Variants in BPI observed in about 807,000 individuals in gnomAD.
BPI encodes bactericidal permeability increasing protein.
In BPI, 48 loss-of-function variants were observed where a neutral mutation model predicts 57.6. That is an observed-to-expected ratio of 0.83 (90% confidence interval 0.66 to 1.06). The LOEUF (loss-of-function observed/expected upper bound fraction) is 1.06, where lower values mean the gene tolerates loss of function less well. Ranked by LOEUF, BPI falls within the 50% of genes least tolerant of loss-of-function variation. BPI has a pLI of 0.00. For synonymous variants in BPI, 237 were observed against 238.2 expected, an observed-to-expected ratio of 0.99 and a Z score of 0.05; for missense variants, 651 against 609.7, an observed-to-expected ratio of 1.07 and a Z score of -0.71.
chr20:38,327,624 A>G lies in BPI; in HGVS notation c.1198A>G (p.Asn400Asp), dbSNP rs5741809. The G allele has an allele frequency of 0.038, 60,614 of 1,613,602 alleles. 6,314 individuals carry two copies. In the East Asian group the frequency reaches 0.45, roughly 12 times the overall value. ...TGSMEVSAES[N>D]RLVGELKLDR... The stretch of plus-strand genomic sequence containing the variant: ...TTCCATGGAGGTCAGCGCCGAGTCC[A>G]ACAGGCTTGTTGGAGAGCTCAAGCT... Residue 400 changes from asparagine to aspartate, a missense_variant, in exon 11 of 15, where the codon AAC becomes GAC. Asn to Asp is a conservative substitution (Grantham distance 23). Transcript: ENST00000642449.
At chr20:38,313,390 A>T (rs28501604) in intron 5 of BPI, among the ~76,000 whole-genome samples, 278 of 35,290 alleles carry the variant, frequency 7.9e-3, no homozygotes, top group Middle Eastern at 0.037. Flanking sequence ...TCTCAAAAAA[A>T]AAAAAAAAAA....
chr20:38,329,709 CTTTAT>C (rs1477493547), intron 11 of BPI, among the ~76,000 whole-genome samples: 1 of 151,874 alleles, frequency 6.6e-6, no homozygotes, highest in Non-Finnish European at 1.5e-5. Flanking sequence ...CGAAACCCTG[CTTTAT>C]TTTATTTATT....
chr20:38,308,888 G>A lies in BPI; in HGVS notation c.246-42G>A, dbSNP rs750582767. 2.5e-6 allele frequency: 4 copies of A among 1,612,554 alleles called. No individual in the cohort carries two copies. In the South Asian group the frequency reaches 4.4e-5, roughly 18 times the overall value. On this transcript the variant is annotated intron_variant, in intron 2 of 14. Coordinates refer to ENST00000642449, the MANE Select transcript of BPI (RefSeq NM_001725.3). ...ACGAAGTCCTCATGTGTGCACCTAG[G>A]AGTATATGAAATTATATGACATTCA...
intron 2 of BPI, 110 bp from the exon 3 acceptor site, chr20:38,308,820 G>A: frequency 1.4e-6 from 2 of 1,413,808 alleles, no homozygotes; most frequent in East Asian, 2.3e-5. Context: ...AATGGATGGA[G>A]TGAAGGACCA....
intron 12 of BPI, among the ~76,000 whole-genome samples, chr20:38,332,484 A>G (rs552945948): frequency 6.6e-6 from 1 of 152,280 alleles, no homozygotes; most frequent in South Asian, 2.1e-4. Flanking sequence ...TAAATATTTA[A>G]TGAATATTTT....
At chr20:38,327,872 T>C (rs1732307599) in intron 11 of BPI, among the ~76,000 whole-genome samples, 1 of 152,156 alleles carries the variant, frequency 6.6e-6, no homozygotes, top group Non-Finnish European at 1.5e-5. Context: ...AGGTCACACA[T>C]TGTAGGTGAC....
At chr20:38,336,858 G>A (rs2076769979) in intron 14 of BPI, among the ~76,000 whole-genome samples, 1 of 152,196 alleles carries the variant, frequency 6.6e-6, no homozygotes, top group African/African-American at 2.4e-5. Context: ...ACTCCCTTGA[G>A]CTGCCATGAG....
intron 13 of BPI, chr20:38,335,392 A>G: frequency 1.7e-6 from 1 of 596,560 alleles, no homozygotes; most frequent in Admixed American, 2.9e-5. Context: ...CAGGTGCTAG[A>G]AGTGGACTTG....
chr20:38,335,558 T>C (rs776814809), intron 13 of BPI, 40 bp from the exon 14 acceptor site: 12 of 1,585,386 alleles, frequency 7.6e-6, no homozygotes, highest in Non-Finnish European at 1.0e-5. Context: ...TGCCCTTCTC[T>C]TTCTTTTCTC....
At chr20:38,304,506 C>G (rs2076587936) in intron 1 of BPI, among the ~76,000 whole-genome samples, 153 bp downstream of exon 1, 1 of 152,214 alleles carries the variant, frequency 6.6e-6, no homozygotes, top group Non-Finnish European at 1.5e-5. Flanking sequence ...GAAACTGAGG[C>G]AAAGCGAGTT....
rs780249919 is a variant in BPI, at chr20:38,307,653, C to T, written c.217C>T (p.Leu73Phe). 2.0e-5 allele frequency: 32 copies of T among 1,611,954 alleles called. No individual in the cohort carries two copies. In the South Asian group the frequency reaches 3.5e-4, roughly 18 times the overall value. The change falls in exon 2 of 15, where the codon CTT becomes TTT. Residue 73 changes from leucine to phenylalanine, a missense_variant. By Grantham distance (22) the Leu-to-Phe change is conservative. Coordinates refer to ENST00000642449, the MANE Select transcript of BPI (RefSeq NM_001725.3). ...DYSDSFKIKH[L>F]GKGHYSFYSM... Reference sequence around the variant, plus strand: ...CTCAGACAGCTTTAAGATCAAGCATCTTGGGAAGGGGCATTATAGCTTCTA... The same window carrying T: ...CTCAGACAGCTTTAAGATCAAGCATTTTGGGAAGGGGCATTATAGCTTCTA...
chr20:38,305,467 G>T (rs1272108226), intron 1 of BPI, among the ~76,000 whole-genome samples: 1 of 152,118 alleles, frequency 6.6e-6, no homozygotes, highest in African/African-American at 2.4e-5. Context: ...ATTCTCCATG[G>T]CTCCCTACTG....
At chr20:38,332,087 G>T (rs1423551296) in intron 12 of BPI, among the ~76,000 whole-genome samples, 1 of 152,202 alleles carries the variant, frequency 6.6e-6, no homozygotes, top group Non-Finnish European at 1.5e-5. Context: ...AAGGGAGCCT[G>T]TGTGTCTGGA....
At position 38,329,288 on chromosome 20, in the gene BPI, C is replaced by T. The variant is rs78256672; in HGVS notation, c.1229+1633C>T. 3.9e-3 allele frequency among the ~76,000 whole-genome samples: 600 copies of T among 152,224 alleles called. 5 individuals carry two copies. Among genetic ancestry groups the T allele is most frequent in the African/African-American group, 0.013 (558 of 41,550 alleles). ...GCCCCCCGCAGTTAGACCTGGCACC[C>T]GCCTCTTCAGCACATTTGCGCTGTT... On this transcript the variant is annotated intron_variant, in intron 11 of 14. Coordinates refer to ENST00000642449, the MANE Select transcript of BPI (RefSeq NM_001725.3).
chr20:38,325,421 C>G (rs989441062), intron 9 of BPI, among the ~76,000 whole-genome samples: 1 of 152,232 alleles, frequency 6.6e-6, no homozygotes, highest in Non-Finnish European at 1.5e-5. Flanking sequence ...AGTGAGGGCT[C>G]TCTTCCTGGC....
At chr20:38,304,498 A>C in intron 1 of BPI, 145 bp downstream of exon 1, 2 of 1,180,868 alleles carry the variant, frequency 1.7e-6, no homozygotes, top group Non-Finnish European at 2.3e-6. Flanking sequence ...TATATGAAGA[A>C]ACTGAGGCAA....
At chr20:38,314,272 T>G (rs372174021) in intron 5 of BPI, among the ~76,000 whole-genome samples, 17 of 117,898 alleles carry the variant, frequency 1.4e-4, no homozygotes, top group South Asian at 2.8e-4. Context: ...GTGAGATTGA[T>G]GATGGTGATG....
At chr20:38,313,680 T>C (rs1053941867) in intron 5 of BPI, among the ~76,000 whole-genome samples, 4 of 152,334 alleles carry the variant, frequency 2.6e-5, no homozygotes, top group Admixed American at 2.6e-4. Context: ...ATGATGATAA[T>C]GGTGAGGTTG....
intron 12 of BPI, among the ~76,000 whole-genome samples, chr20:38,331,858 AAAGAG>A (rs2076744260): frequency 7.4e-6 from 1 of 136,036 alleles, no homozygotes; most frequent in Non-Finnish European, 1.7e-5. Flanking sequence ...AAAAAAAAAA[AAAGAG>A]AGAGAAGATC....
Sources: allele counts gnomAD v4.1 joint callset (sites outside exome capture counted in the v4.1 genomes callset), GRCh38; gene constraint gnomAD v4.1.1; transcripts MANE v1.5; gene names NCBI Gene and HGNC (gene_info 2026-07-23, HGNC 2026-07-21).